EDA2R: variants seen among roughly 807,000 people sequenced by gnomAD.
EDA2R encodes the protein ectodysplasin A2 receptor, also known as tumor necrosis factor receptor superfamily member 27.
EDA2R carries 26 observed loss-of-function variants against 20.1 expected under a neutral mutation model. The ratio of observed to expected loss-of-function variants is 1.30; its 90% confidence interval spans 0.95 to 1.80. EDA2R has a LOEUF of 1.80. EDA2R is among the 40% of genes most tolerant of loss of function. The probability of loss-of-function intolerance (pLI) is 0.00; values close to 1 mark genes in which losing one functional copy is unlikely to be tolerated. For synonymous variants in EDA2R, 114 were observed against 88.7 expected (o/e 1.29, Z -1.60); for missense variants, 277 against 228.7 (o/e 1.21, Z -1.36).
At chrX:66,598,160 C>T (rs1449113088) in intron 6 of EDA2R, 67 bp from the exon 7 acceptor site, 2 of 421,633 alleles carry the variant, frequency 4.7e-6, no homozygotes, top group East Asian at 2.1e-4. Context: ...CTTTCTCTAC[C>T]CCTCCAAATA....
At chrX:66,623,552 T>A (rs973208399) in intron 1 of EDA2R, among the ~76,000 whole-genome samples, 1 of 111,911 alleles carries the variant, frequency 8.9e-6, no homozygotes, top group African/African-American at 3.2e-5. Flanking sequence ...TTTTAAAAAA[T>A]TAAGTTCTTA....
intron 4 of EDA2R, among the ~76,000 whole-genome samples, chrX:66,603,292 T>C (rs144796959): frequency 3.4e-4 from 38 of 112,497 alleles, no homozygotes; most frequent in Middle Eastern, 4.6e-3. Context: ...ATATATTGGT[T>C]ATGAATATGC....
Position 66,599,870 on chromosome X carries a change from G to A in EDA2R, c.518-10C>T, listed in dbSNP as rs770155440. ...AACTGCAGCAAACCTCCTGCAACTCGAAGCAGAAAGCCACTGGGTTACCCA... is the reference window on the plus strand; with the variant it reads ...AACTGCAGCAAACCTCCTGCAACTCAAAGCAGAAAGCCACTGGGTTACCCA... On this transcript the variant is annotated splice_polypyrimidine_tract_variant and intron_variant, in intron 5 of 6. Transcript: ENST00000374719. 39 of 1,198,045 alleles carry A rather than the reference G, an allele frequency of 3.3e-5. No homozygotes were observed. The highest frequency in any genetic ancestry group is 3.3e-5 in the Non-Finnish European group (29 of 889,130).
rs944309515 is a variant in EDA2R at position 66,634,532 on chromosome X, A to G, written c.-11+4463T>C. Among the ~76,000 whole-genome samples, 9 of 111,438 alleles carry G rather than the reference A, an allele frequency of 8.1e-5. No individual in the cohort carries two copies. The Admixed American group carries it at 8.6e-4, about 11-fold the overall frequency. ...TTTCCTCCTCTTTGGCAACCAGTTA[A>G]AACTTCAAGCTATCAGATAATTGAA... is the stretch of plus-strand genomic sequence containing the variant. On this transcript the variant is annotated intron_variant, in intron 1 of 6. Transcript: ENST00000374719.
intron 1 of EDA2R, among the ~76,000 whole-genome samples, chrX:66,631,287 A>G (rs922571467): frequency 9.0e-6 from 1 of 111,146 alleles, no homozygotes; most frequent in Non-Finnish European, 1.9e-5. Context: ...GGATGCACCA[A>G]AATCTCACAA....
intron 1 of EDA2R, among the ~76,000 whole-genome samples, chrX:66,626,571 A>G (rs1933094617): frequency 9.0e-6 from 1 of 110,981 alleles, no homozygotes; most frequent in Admixed American, 9.6e-5. Flanking sequence ...AAGAAGAGAA[A>G]TCTAAAATTT....
chrX:66,625,465 T>C (rs192608658), intron 1 of EDA2R, among the ~76,000 whole-genome samples: 47 of 110,953 alleles, frequency 4.2e-4, no homozygotes, highest in African/African-American at 1.4e-3. Context: ...CACAACTCCA[T>C]GGATCTGGGA....
intron 1 of EDA2R, among the ~76,000 whole-genome samples, chrX:66,616,862 A>G (rs1931780997): frequency 8.9e-6 from 1 of 112,199 alleles, no homozygotes; most frequent in Non-Finnish European, 1.9e-5. Context: ...TCTAAGAAAA[A>G]GGGATAGAAT....
chrX:66,603,267 A>G (rs754552578), intron 4 of EDA2R, among the ~76,000 whole-genome samples: 10 of 112,467 alleles, frequency 8.9e-5, no homozygotes, highest in Admixed American at 1.9e-4. Context: ...ACATTATACA[A>G]TACATAACAA....
chrX:66,629,488 C>A (rs756923024), intron 1 of EDA2R, among the ~76,000 whole-genome samples: 1 of 111,893 alleles, frequency 8.9e-6, no homozygotes, highest in Non-Finnish European at 1.9e-5. Flanking sequence ...AATAACTCAA[C>A]GAAGTTTCCA....
chrX:66,602,445 G>T (rs751810592), intron 5 of EDA2R, among the ~76,000 whole-genome samples, 188 bp downstream of exon 5: 2 of 111,139 alleles, frequency 1.8e-5, no homozygotes, highest in South Asian at 7.7e-4. Context: ...GTTGGCTTCA[G>T]TAATCTCTTA....
chrX:66,618,464 T>A (rs1932081467), intron 1 of EDA2R, among the ~76,000 whole-genome samples: 2 of 112,094 alleles, frequency 1.8e-5, no homozygotes, highest in South Asian at 7.4e-4. Flanking sequence ...AATAATTATG[T>A]TTTCAGAAAA....
chrX:66,598,313 G>T (rs749905036), intron 6 of EDA2R, among the ~76,000 whole-genome samples: 50 of 111,971 alleles, frequency 4.5e-4, no homozygotes, highest in Non-Finnish European at 8.8e-4. Flanking sequence ...TACTTTAGAA[G>T]AACCTAAAGT....
intron 5 of EDA2R, 127 bp downstream of exon 5, chrX:66,602,506 G>T: frequency 2.6e-6 from 2 of 758,574 alleles, no homozygotes; most frequent in Non-Finnish European, 3.7e-6. Flanking sequence ...GCCAACAGAA[G>T]ACTATTCATG....
chrX:66,603,839 C>T (rs140752460), intron 4 of EDA2R, among the ~76,000 whole-genome samples: 5 of 111,889 alleles, frequency 4.5e-5, no homozygotes, highest in Admixed American at 2.8e-4. Flanking sequence ...TGGATAGATG[C>T]TGGGTGATTG....
chrX:66,630,079 A>G, intron 1 of EDA2R, among the ~76,000 whole-genome samples: 1 of 111,589 alleles, frequency 9.0e-6, no homozygotes, highest in Middle Eastern at 4.6e-3. Context: ...AAACAAAAAC[A>G]TAAAGTGGGA....
intron 1 of EDA2R, among the ~76,000 whole-genome samples, chrX:66,620,546 A>T (rs1328873961): frequency 1.8e-5 from 2 of 112,038 alleles, no homozygotes; most frequent in African/African-American, 3.2e-5. Flanking sequence ...TGTTTTTCTT[A>T]TAAGAAAATA....
chrX:66,638,592 G>A (rs1411429744), intron 1 of EDA2R, among the ~76,000 whole-genome samples: 1 of 111,056 alleles, frequency 9.0e-6, no homozygotes, highest in African/African-American at 3.3e-5. Context: ...CTCAAGCCAC[G>A]CGGGTTAGCA....
Position 66,599,562 on chromosome X carries a change from C to A in EDA2R, c.816G>T (p.Glu272Asp). Residue 272 changes from glutamate to aspartate, a missense_variant, in exon 6 of 7, where the codon GAG becomes GAT. Coordinates refer to ENST00000374719, the MANE Select transcript of EDA2R (RefSeq NM_021783.5). ...TTTCGACTGTGTTTCCCCCCAAGGT[C>A]TCAGCTCCAGTATAGGAGGCAGAGC... ...FSSSASYTGA[E>D]TLGGNTVEST... The A allele has an allele frequency of 8.4e-7, 1 of 1,191,822 alleles. No homozygotes were observed. The highest frequency in any genetic ancestry group is 1.1e-6 in the Non-Finnish European group (1 of 884,818).
Sources: allele counts gnomAD v4.1 joint callset (sites outside exome capture counted in the v4.1 genomes callset), GRCh38; gene constraint gnomAD v4.1.1; transcripts MANE v1.5; gene names NCBI Gene and HGNC (gene_info 2026-07-23, HGNC 2026-07-21).